VPS13B: variants seen among roughly 807,000 people sequenced by gnomAD.
The protein encoded by VPS13B is vacuolar protein sorting 13 homolog B, also known as intermembrane lipid transfer protein VPS13B.
In VPS13B, 285 loss-of-function variants were observed where a neutral mutation model predicts 426.4. That is an observed-to-expected ratio of 0.67 (90% CI 0.61 to 0.74). The LOEUF (loss-of-function observed/expected upper bound fraction) is 0.74. Among genes scored for constraint, VPS13B ranks in the 30% least tolerant of loss-of-function variants. The probability of loss-of-function intolerance (pLI) is 0.00; values close to 1 mark genes in which losing one functional copy is unlikely to be tolerated. For synonymous variants in VPS13B, 1,676 were observed against 1,676.4 expected (o/e 1.00, Z 0.01); for missense variants, 4,537 against 4,782.6 (o/e 0.95, Z 1.51).
At chr8:99,558,808 A>G (rs1824730767) in intron 31 of VPS13B, among the ~76,000 whole-genome samples, 1 of 152,176 alleles carries the variant, frequency 6.6e-6, no homozygotes, top group South Asian at 2.1e-4. Flanking sequence ...CCAGTCTATC[A>G]TTGATGGACA....
At chr8:99,841,071 C>T (rs1268300581) in intron 54 of VPS13B, among the ~76,000 whole-genome samples, 4 of 152,168 alleles carry the variant, frequency 2.6e-5, no homozygotes, top group Non-Finnish European at 4.4e-5. Flanking sequence ...CAAAGATACT[C>T]AGGAGTAGTG....
chr8:99,480,490 C>A (rs1460720815), intron 24 of VPS13B, among the ~76,000 whole-genome samples: 1 of 152,050 alleles, frequency 6.6e-6, no homozygotes, highest in Non-Finnish European at 1.5e-5. Flanking sequence ...GCAAAATAAT[C>A]TTTTTAAAAA....
intron 23 of VPS13B, among the ~76,000 whole-genome samples, chr8:99,456,325 T>C (rs1184392282): frequency 6.6e-6 from 1 of 152,010 alleles, no homozygotes; most frequent in Non-Finnish European, 1.5e-5. Context: ...TGCACCACTA[T>C]GCCCAGCTAA....
intron 25 of VPS13B, among the ~76,000 whole-genome samples, chr8:99,488,700 ATAT>A (rs1820431778): frequency 6.6e-6 from 1 of 152,130 alleles, no homozygotes; most frequent in African/African-American, 2.4e-5. Flanking sequence ...GGGCTGACTG[ATAT>A]TAGCTTGATT....
Position 99,150,416 on chromosome 8 carries a change from A to G in VPS13B, c.2013+2406A>G, listed in dbSNP as rs918591248. On this transcript the variant is annotated intron_variant, in intron 14 of 61. Coordinates refer to ENST00000357162, the MANE Select transcript of VPS13B (RefSeq NM_152564.5). ...CAGTATCACCCAAAGTCCACAGTTT[A>G]CATTAGGGTTCACTCTTGGTGTTTT... is the stretch of plus-strand genomic sequence containing the variant. 2.0e-5 allele frequency among the ~76,000 whole-genome samples: 3 copies of G among 152,206 alleles called. 1 individual carries two copies. Among genetic ancestry groups the G allele is most frequent in the African/African-American group, 7.2e-5 (3 of 41,458 alleles).
chr8:99,081,716 G>A (rs1218249890), intron 3 of VPS13B, among the ~76,000 whole-genome samples: 1 of 151,646 alleles, frequency 6.6e-6, no homozygotes, highest in Non-Finnish European at 1.5e-5. Context: ...GCAGTGTTTG[G>A]TTTTTTGTCC....
chr8:99,448,067 G>A (rs144177902), intron 23 of VPS13B, among the ~76,000 whole-genome samples: 3 of 151,082 alleles, frequency 2.0e-5, no homozygotes, highest in Admixed American at 6.6e-5. Context: ...TAGGAACTGC[G>A]GAAGTCTCCA....
intron 24 of VPS13B, among the ~76,000 whole-genome samples, chr8:99,474,966 A>T (rs938014925): frequency 4.6e-5 from 7 of 152,136 alleles, no homozygotes; most frequent in Non-Finnish European, 1.0e-4. Flanking sequence ...GTGAATTAGT[A>T]AAAAAATTAT....
intron 17 of VPS13B, among the ~76,000 whole-genome samples, chr8:99,264,530 A>G (rs1475566721): frequency 6.6e-6 from 1 of 152,178 alleles, no homozygotes; most frequent in Non-Finnish European, 1.5e-5. Context: ...TTTCCTACAG[A>G]AATCTGAAAG....
At chr8:99,640,106 G>GA (rs1273578453) in intron 33 of VPS13B, among the ~76,000 whole-genome samples, 2 of 142,048 alleles carry the variant, frequency 1.4e-5, no homozygotes, top group African/African-American at 5.2e-5. Flanking sequence ...GAAAAGAAAA[G>GA]AAAAGAAGAA....
At chr8:99,473,562 C>G (rs979846853) in intron 24 of VPS13B, among the ~76,000 whole-genome samples, 4 of 152,022 alleles carry the variant, frequency 2.6e-5, no homozygotes, top group African/African-American at 9.7e-5. Flanking sequence ...AAATATCATA[C>G]GTAATGGTAA....
In VPS13B at chr8:99,502,965, A is replaced by C. The variant is rs1203423515; in HGVS notation, c.4157+15A>C. The C allele has an allele frequency of 6.5e-7, 1 of 1,540,112 alleles. No individual in the cohort carries two copies. The highest frequency in any genetic ancestry group is 9.0e-7 in the Non-Finnish European group (1 of 1,114,490). On this transcript the variant is annotated intron_variant, in intron 27 of 61. Coordinates refer to ENST00000357162, the MANE Select transcript of VPS13B (RefSeq NM_152564.5). Reference sequence around the variant, plus strand: ...TATAGAAGCAGGTAAATAATGAATAATGAATATAAGAAAATCTGTATTTTT... The same window carrying C: ...TATAGAAGCAGGTAAATAATGAATACTGAATATAAGAAAATCTGTATTTTT...
At chr8:99,048,551 A>C (rs191310341) in intron 3 of VPS13B, among the ~76,000 whole-genome samples, 15 of 152,220 alleles carry the variant, frequency 9.9e-5, no homozygotes, top group Admixed American at 2.6e-4. Context: ...GAGGTTGCTC[A>C]TGCCTGTAAT....
chr8:99,747,076 G>A (rs1156524974), intron 39 of VPS13B, among the ~76,000 whole-genome samples: 1 of 152,066 alleles, frequency 6.6e-6, no homozygotes, highest in Non-Finnish European at 1.5e-5. Flanking sequence ...GTTCAGAGCA[G>A]CAAGCTGATG....
intron 2 of VPS13B, among the ~76,000 whole-genome samples, chr8:99,023,236 C>T (rs996584942): frequency 6.6e-6 from 1 of 151,862 alleles, no homozygotes; most frequent in Non-Finnish European, 1.5e-5. Context: ...TAAACATCTT[C>T]CTAGTCCCCA....
At chr8:99,592,374 G>C (rs772966382) in intron 33 of VPS13B, among the ~76,000 whole-genome samples, 1 of 152,024 alleles carries the variant, frequency 6.6e-6, no homozygotes, top group Admixed American at 6.6e-5. Flanking sequence ...GAGGAGCTAC[G>C]ATCCTTTGGA....
At chr8:99,661,530 T>C in intron 35 of VPS13B, 39 bp downstream of exon 35, 3 of 1,602,966 alleles carry the variant, frequency 1.9e-6, no homozygotes, top group Non-Finnish European at 2.6e-6. Context: ...GTACATTTTT[T>C]ATGTGAATAT....
At chr8:99,097,304 G>A (rs1042985808) in intron 4 of VPS13B, among the ~76,000 whole-genome samples, 34 of 152,232 alleles carry the variant, frequency 2.2e-4, no homozygotes, top group African/African-American at 7.7e-4. Context: ...TACAGAAAAC[G>A]TGATCATTAG....
At chr8:99,220,223 T>A (rs1207969509) in intron 17 of VPS13B, among the ~76,000 whole-genome samples, 1 of 152,208 alleles carries the variant, frequency 6.6e-6, no homozygotes, top group Non-Finnish European at 1.5e-5. Flanking sequence ...TGAGGCCTTG[T>A]CTTTCCCTTA....
Sources: allele counts gnomAD v4.1 joint callset (sites outside exome capture counted in the v4.1 genomes callset), GRCh38; gene constraint gnomAD v4.1.1; transcripts MANE v1.5; gene names NCBI Gene and HGNC (gene_info 2026-07-23, HGNC 2026-07-21).